Variants in C3orf22 observed in about 807,000 individuals in gnomAD.
C3orf22 encodes the protein chromosome 3 open reading frame 22, also known as uncharacterized protein C3orf22.
C3orf22 carries 7 observed loss-of-function variants against 10.8 expected under a neutral mutation model. The observed-to-expected ratio is 0.65, with a 90% CI of 0.37 to 1.22. C3orf22 has a LOEUF of 1.22. Ranked by LOEUF, C3orf22 falls within the 50% of genes most tolerant of loss-of-function variation. The pLI is 0.02. For missense variants in C3orf22, 173 were observed against 177.0 expected (o/e 0.98, Z 0.13); for synonymous variants, 79 against 78.9 (o/e 1.00, Z 0.00).
chr3:126,544,222 G>A (rs1042126121), intron 4 of C3orf22, among the ~76,000 whole-genome samples: 12 of 152,162 alleles, frequency 7.9e-5, no homozygotes, highest in Non-Finnish European at 1.3e-4. Flanking sequence ...ACCTGAGGTA[G>A]TGTACTCAGC....
At chr3:126,536,702 G>A (rs1003711092) in intron 4 of C3orf22, among the ~76,000 whole-genome samples, 1 of 151,844 alleles carries the variant, frequency 6.6e-6, no homozygotes, top group Non-Finnish European at 1.5e-5. Flanking sequence ...CAGTGGGGAG[G>A]TGTGCAGGGA....
At chr3:126,553,685 G>A (rs546339729) in intron 1 of C3orf22, among the ~76,000 whole-genome samples, 5 of 152,276 alleles carry the variant, frequency 3.3e-5, no homozygotes, top group Admixed American at 1.3e-4. Context: ...TCCACAGCCC[G>A]GTTCCCCAAC....
chr3:126,544,319 C>T lies in C3orf22; in HGVS notation c.286+5218G>A, dbSNP rs754646620. Among the ~76,000 whole-genome samples, 30 of 152,332 alleles carry T rather than the reference C, an allele frequency of 2.0e-4. No homozygotes were observed. The Middle Eastern group carries it at 0.01, about 52-fold the overall frequency. ...GGCCCTCACCAGATGCAGTCCCTAA[C>T]GCTGGGACTTTTCAGCCTCCATAAC... On this transcript the variant is annotated intron_variant and NMD_transcript_variant, in intron 4 of 5. Transcript: ENST00000505070.
chr3:126,557,010 AGACC>A (rs1937361389), intron 1 of C3orf22, among the ~76,000 whole-genome samples: 2 of 13,804 alleles, frequency 1.4e-4, no homozygotes, highest in Non-Finnish European at 2.8e-4. Context: ...ACATACACAC[AGACC>A]CACACAAACT....
chr3:126,545,113 G>T (rs545263798), downstream of C3orf22, among the ~76,000 whole-genome samples: 8 of 152,396 alleles, frequency 5.2e-5, no homozygotes, highest in African/African-American at 1.9e-4. Flanking sequence ...GGTCACATGT[G>T]CAGAGCTGGA....
chr3:126,529,171 G>T, exon 5 of C3orf22: 1 of 574,926 alleles, frequency 1.7e-6, no homozygotes, highest in Non-Finnish European at 2.9e-6. Flanking sequence ...TGAGGTGGGT[G>T]TGCAGAGGAG....
chr3:126,533,369 GCCCTTTATCAGTTT>G (rs1231191613), intron 4 of C3orf22, among the ~76,000 whole-genome samples: 4 of 152,148 alleles, frequency 2.6e-5, no homozygotes, highest in Non-Finnish European at 5.9e-5. Context: ...TTTCGTTGAT[GCCCTTTATCAGTTT>G]GGCAAAGTTT....
intron 4 of C3orf22, among the ~76,000 whole-genome samples, chr3:126,540,070 C>T (rs965902525): frequency 6.6e-6 from 1 of 150,880 alleles, no homozygotes; most frequent in Non-Finnish European, 1.5e-5. Context: ...ACCACAGGCA[C>T]ACACCACACG....
chr3:126,535,643 G>T (rs1188455787), intron 4 of C3orf22, among the ~76,000 whole-genome samples: 4 of 152,180 alleles, frequency 2.6e-5, no homozygotes, highest in African/African-American at 9.7e-5. Context: ...CAGACAGACA[G>T]CATCACTGTC....
At chr3:126,549,256 C>A (rs76739066), downstream of C3orf22, among the ~76,000 whole-genome samples, 8 of 120,058 alleles carry the variant, frequency 6.7e-5, no homozygotes, top group South Asian at 6.4e-4. Flanking sequence ...TCCACGCCCC[C>A]CCCCCCACAC....
chr3:126,546,309 C>T (rs1359982833), downstream of C3orf22, among the ~76,000 whole-genome samples: 1 of 152,220 alleles, frequency 6.6e-6, no homozygotes, highest in East Asian at 1.9e-4. Context: ...GCATGAAGGA[C>T]ATTGAGACAC....
intron 4 of C3orf22, among the ~76,000 whole-genome samples, chr3:126,540,081 C>T (rs939380486): frequency 2.0e-5 from 3 of 150,750 alleles, no homozygotes; most frequent in African/African-American, 4.9e-5. Flanking sequence ...ACACCACACG[C>T]GTGCACCACA....
intron 4 of C3orf22, among the ~76,000 whole-genome samples, chr3:126,538,864 T>C (rs1936859147): frequency 6.6e-6 from 1 of 152,156 alleles, no homozygotes; most frequent in African/African-American, 2.4e-5. Flanking sequence ...TTTCTCAAAA[T>C]GGTGAGATTT....
chr3:126,536,655 TAC>T (rs778332825), intron 4 of C3orf22, among the ~76,000 whole-genome samples: 4 of 152,010 alleles, frequency 2.6e-5, no homozygotes, highest in African/African-American at 4.8e-5. Context: ...TCAGGAAGTT[TAC>T]AGTCTCGTGG....
intron 4 of C3orf22, chr3:126,542,677 C>T: frequency 7.3e-7 from 1 of 1,372,028 alleles, no homozygotes. Flanking sequence ...TCTTCAAGAG[C>T]CACTGCGTGC....
chr3:126,553,328 C>A lies in C3orf22; in HGVS notation c.63G>T (p.Glu21Asp). The change falls in exon 2 of 4, where the codon GAG becomes GAT. Residue 21 changes from glutamate (E) to aspartate (D), a missense_variant. Coordinates refer to ENST00000318225, the MANE Select transcript of C3orf22 (RefSeq NM_152533.3). ...QSKKWRIQAQ[E>D]NFAKKFPYRL... ...TGTACGGAAACTTCTTGGCAAAATTCTCCTGGGCCTGGATCCTCCACTTCT... is the reference window on the plus strand; with the variant it reads ...TGTACGGAAACTTCTTGGCAAAATTATCCTGGGCCTGGATCCTCCACTTCT... The A allele has an allele frequency of 6.2e-7, 1 of 1,614,130 alleles. No individual in the cohort carries two copies. Among genetic ancestry groups the A allele is most frequent in the Non-Finnish European group, 8.5e-7 (1 of 1,179,988 alleles).
At chr3:126,541,980 C>T in intron 4 of C3orf22, 1 of 1,570,422 alleles carries the variant, frequency 6.4e-7, no homozygotes. Flanking sequence ...GCGCAAGAGG[C>T]GCACGCGCCT....
At chr3:126,549,257 C>G (rs562221899), downstream of C3orf22, among the ~76,000 whole-genome samples, 7 of 146,736 alleles carry the variant, frequency 4.8e-5, no homozygotes, top group African/African-American at 1.8e-4. Context: ...CCACGCCCCC[C>G]CCCCCACACA....
intron 4 of C3orf22, among the ~76,000 whole-genome samples, chr3:126,539,416 CAT>C (rs75451337): frequency 9.9e-4 from 151 of 152,002 alleles, no homozygotes; most frequent in Non-Finnish European, 1.9e-3. Flanking sequence ...ATAGTGTGCA[CAT>C]GTGTGCAGGA....
Sources: allele counts gnomAD v4.1 joint callset (sites outside exome capture counted in the v4.1 genomes callset), GRCh38; gene constraint gnomAD v4.1.1; transcripts MANE v1.5; gene names NCBI Gene and HGNC (gene_info 2026-07-23, HGNC 2026-07-21).